Variants in SLC35F4 observed in about 807,000 individuals in gnomAD.
The protein encoded by SLC35F4 is solute carrier family 35 member F4.
Under a neutral mutation model 44.2 loss-of-function variants are expected in SLC35F4, and 24 were observed. The observed-to-expected ratio is 0.54, with a 90% confidence interval of 0.39 to 0.76. The LOEUF is 0.76. SLC35F4 is among the 30% of genes least tolerant of loss of function. The pLI is 0.00. For synonymous variants in SLC35F4, 238 were observed against 223.6 expected (o/e 1.06, Z -0.57); for missense variants, 562 against 586.1 (o/e 0.96, Z 0.42).
At chr14:57,791,885 G>A (rs1316775062) in intron 1 of SLC35F4, among the ~76,000 whole-genome samples, 1 of 151,180 alleles carries the variant, frequency 6.6e-6, no homozygotes. Context: ...AACACCACAT[G>A]TTCTCACTCA....
At chr14:57,701,615 T>C (rs2075543607) in intron 1 of SLC35F4, among the ~76,000 whole-genome samples, 1 of 152,216 alleles carries the variant, frequency 6.6e-6, no homozygotes, top group East Asian at 1.9e-4. Context: ...TAGGAATTTT[T>C]CAGCTCCACT....
intron 1 of SLC35F4, among the ~76,000 whole-genome samples, chr14:57,871,848 T>C (rs1400075966): frequency 6.6e-6 from 1 of 152,224 alleles, no homozygotes; most frequent in Non-Finnish European, 1.5e-5. Context: ...CTCTGATACA[T>C]ACAAAGTAAA....
intron 1 of SLC35F4, among the ~76,000 whole-genome samples, chr14:57,604,587 CAG>C (rs1161482528): frequency 2.6e-5 from 4 of 152,060 alleles, no homozygotes; most frequent in African/African-American, 9.7e-5. Context: ...CCATTTTTCA[CAG>C]AATTGGAAAA....
chr14:57,578,608 T>A (rs1489752308), intron 4 of SLC35F4: 1 of 152,142 alleles, frequency 6.6e-6, no homozygotes, highest in Non-Finnish European at 1.5e-5. Flanking sequence ...ATCATTAAAT[T>A]ACACGTTACC....
intron 1 of SLC35F4, among the ~76,000 whole-genome samples, chr14:57,654,678 A>G (rs143737240): frequency 1.3e-5 from 2 of 152,180 alleles, no homozygotes; most frequent in African/African-American, 2.4e-5. Flanking sequence ...ACTGTTTTCC[A>G]TAATGGTTGT....
intron 1 of SLC35F4, among the ~76,000 whole-genome samples, chr14:57,810,418 T>TA (rs1332096252): frequency 1.4e-4 from 22 of 152,376 alleles, no homozygotes; most frequent in African/African-American, 5.3e-4. Flanking sequence ...TGGATTTTCA[T>TA]AATTTTACTT....
At chr14:57,791,522 A>G (rs2140806148) in intron 1 of SLC35F4, among the ~76,000 whole-genome samples, 1 of 152,344 alleles carries the variant, frequency 6.6e-6, no homozygotes, top group Non-Finnish European at 1.5e-5. Flanking sequence ...ATGCTTATAC[A>G]CTGTTGGCAG....
At chr14:57,738,430 G>A (rs563308016) in intron 1 of SLC35F4, among the ~76,000 whole-genome samples, 5 of 152,006 alleles carry the variant, frequency 3.3e-5, no homozygotes, top group Admixed American at 6.6e-5. Flanking sequence ...CATCTGCTTC[G>A]TTCTCCATTT....
At chr14:57,681,829 G>C (rs959777533) in intron 1 of SLC35F4, among the ~76,000 whole-genome samples, 1 of 152,036 alleles carries the variant, frequency 6.6e-6, no homozygotes, top group African/African-American at 2.4e-5. Context: ...CAAAAAGTGG[G>C]CAAAGGATAT....
At chr14:57,898,404 G>C (rs4575458) in intron 1 of SLC35F4, among the ~76,000 whole-genome samples, 18,336 of 152,234 alleles carry the variant, frequency 0.12, 1,352 homozygotes, top group East Asian at 0.4. Context: ...GTTTAAGAAA[G>C]GTGGTATTGG....
chr14:57,706,306 C>G (rs374414948), intron 1 of SLC35F4, among the ~76,000 whole-genome samples: 2 of 152,030 alleles, frequency 1.3e-5, no homozygotes, highest in African/African-American at 2.4e-5. Context: ...GAGGGAGAAA[C>G]GGGTGGAATT....
intron 1 of SLC35F4, among the ~76,000 whole-genome samples, chr14:57,636,392 C>G (rs1334705409): frequency 6.6e-6 from 1 of 152,060 alleles, no homozygotes; most frequent in African/African-American, 2.4e-5. Flanking sequence ...GTTTATAACA[C>G]ATTTGCAGCA....
chr14:57,702,007 G>A (rs1244539890), intron 1 of SLC35F4, among the ~76,000 whole-genome samples: 1 of 152,158 alleles, frequency 6.6e-6, no homozygotes, highest in Non-Finnish European at 1.5e-5. Context: ...AGACAGCCAT[G>A]AGAGACAAAG....
chr14:57,946,886 T>G (rs1047911223), intron 1 of SLC35F4, among the ~76,000 whole-genome samples: 1 of 152,224 alleles, frequency 6.6e-6, no homozygotes, highest in Non-Finnish European at 1.5e-5. Flanking sequence ...TAGTTTGAAG[T>G]TGGATAATGT....
At chr14:57,593,774 A>G (rs1054772072) in intron 2 of SLC35F4, among the ~76,000 whole-genome samples, 165 bp downstream of exon 2, 1 of 152,192 alleles carries the variant, frequency 6.6e-6, no homozygotes. Context: ...AATAGATTGT[A>G]TCTATATATT....
intron 1 of SLC35F4, among the ~76,000 whole-genome samples, chr14:57,925,401 C>G (rs1440686066): frequency 6.6e-6 from 1 of 151,200 alleles, no homozygotes; most frequent in African/African-American, 2.4e-5. Context: ...GGTATATTTT[C>G]TACATTTTGG....
At chr14:57,824,056 T>C (rs1418411539) in intron 1 of SLC35F4, among the ~76,000 whole-genome samples, 4 of 152,202 alleles carry the variant, frequency 2.6e-5, no homozygotes, top group African/African-American at 9.7e-5. Flanking sequence ...CAATAATTGA[T>C]GGAACCTGAA....
chr14:57,643,951 C>T (rs1356498792), intron 1 of SLC35F4, among the ~76,000 whole-genome samples: 1 of 152,118 alleles, frequency 6.6e-6, no homozygotes, highest in Non-Finnish European at 1.5e-5. Flanking sequence ...ATGAACTCAT[C>T]CTTGTTTATG....
chr14:57,679,814 ACCAAAC>A (rs2074830078), intron 1 of SLC35F4, among the ~76,000 whole-genome samples: 1 of 152,070 alleles, frequency 6.6e-6, no homozygotes, highest in South Asian at 2.1e-4. Flanking sequence ...CCCTCCCAAG[ACCAAAC>A]CAAGAAGAAG....
Sources: gnomAD v4.1 joint callset for allele counts (sites outside exome capture counted in the v4.1 genomes callset) on GRCh38, gnomAD v4.1.1 for gene constraint, MANE v1.5 for transcripts, NCBI Gene and HGNC (gene_info 2026-07-23, HGNC 2026-07-21) for gene names.